The following COG4 variants were observed in gnomAD, a reference collection of about 807,000 sequenced individuals.
COG4 encodes component of oligomeric golgi complex 4.
A neutral mutation model predicts 95.1 loss-of-function variants in COG4; 65 were observed. The ratio of observed to expected loss-of-function variants is 0.68; its 90% confidence interval spans 0.56 to 0.84. COG4 has a LOEUF of 0.84. COG4 is among the 40% of genes least tolerant of loss of function. The probability of loss-of-function intolerance (pLI) is 0.00; values close to 1 mark genes in which losing one functional copy is unlikely to be tolerated. For missense variants in COG4, 1,045 were observed against 989.1 expected, an observed-to-expected ratio of 1.06 and a Z score of -0.76; for synonymous variants, 421 against 374.8, an observed-to-expected ratio of 1.12 and a Z score of -1.42.
intron 2 of COG4, 23 bp from the exon 3 acceptor site, chr16:70,517,763 T>C: frequency 4.0e-6 from 6 of 1,507,684 alleles, no homozygotes; most frequent in Non-Finnish European, 5.5e-6. Flanking sequence ...ATTGTTAGCA[T>C]ACACATAACG....
intron 1 of COG4, 77 bp downstream of exon 1, chr16:70,523,296 C>T: frequency 1.3e-6 from 2 of 1,569,942 alleles, no homozygotes; most frequent in Non-Finnish European, 1.8e-6. Context: ...GAGAGTTTCC[C>T]ACAGCCCGGA....
Position 70,509,404 on chromosome 16 carries a change from C to A in COG4, c.845-16G>T. ...CGGGCAATCCCTAGAAGGGAGGAAG[C>A]AATAGGGTTATATTCCAAGTATTCT... On this transcript the variant is annotated splice_polypyrimidine_tract_variant and intron_variant, in intron 6 of 18. Coordinates refer to ENST00000323786, the MANE Select transcript of COG4 (RefSeq NM_015386.3). 1 of 1,614,012 alleles carries A rather than the reference C, an allele frequency of 6.2e-7. No individual in the cohort carries two copies. Among genetic ancestry groups the A allele is most frequent in the Non-Finnish European group, 8.5e-7 (1 of 1,179,896 alleles).
chr16:70,509,121 T>G, intron 7 of COG4, 110 bp downstream of exon 7: 1 of 1,382,032 alleles, frequency 7.2e-7, no homozygotes, highest in Non-Finnish European at 1.0e-6. Context: ...GCATTTATTT[T>G]TCTCCTGTCT....
At chr16:70,496,220 C>T in intron 12 of COG4, 46 bp downstream of exon 12, 2 of 1,608,216 alleles carry the variant, frequency 1.2e-6, no homozygotes, top group East Asian at 2.2e-5. Context: ...GATAGCGTAA[C>T]CTCTCGAGAT....
intron 15 of COG4, 29 bp downstream of exon 15, chr16:70,482,700 G>A (rs1285906846): frequency 9.4e-6 from 15 of 1,589,876 alleles, no homozygotes; most frequent in Non-Finnish European, 1.2e-5. Context: ...GGTCATCGGG[G>A]CTTGATGGCT....
In COG4 at chr16:70,497,281, C is replaced by G; in HGVS notation, c.1421G>C (p.Ser474Thr). Reference sequence around the variant, plus strand: ...GATCATGGCACAGAGACAGTCAATGCTGGAGCTGGACAGAGCCCGCCCAAT... The same window carrying G: ...GATCATGGCACAGAGACAGTCAATGGTGGAGCTGGACAGAGCCCGCCCAAT... ...KCIGRALSSS[S>T]IDCLCAMINL... Residue 474 changes from serine (S) to threonine (T), a missense_variant, in exon 11 of 19, where the codon AGC (serine) becomes ACC (threonine). By Grantham distance (58) the Ser-to-Thr change is moderately conservative. Coordinates refer to ENST00000323786, the MANE Select transcript of COG4 (RefSeq NM_015386.3). The G allele has an allele frequency of 1.9e-6, 3 of 1,614,176 alleles. No homozygotes were observed. The Admixed American group carries it at 5.0e-5, about 27-fold the overall frequency.
rs572459100 is a variant in COG4, at chr16:70,505,778, G to A, written c.1061+2628C>T. 3.3e-4 allele frequency among the ~76,000 whole-genome samples: 50 copies of A among 151,950 alleles called. 2 individuals are homozygous for A. In the South Asian group the frequency reaches 9.8e-3, roughly 30 times the overall value. Reference sequence around the variant, plus strand: ...CGGGAGGTGGAGCTTGCAGTGAGCCGAGATAGCGCCACTGCACTTCAGCCT... The same window carrying A: ...CGGGAGGTGGAGCTTGCAGTGAGCCAAGATAGCGCCACTGCACTTCAGCCT... On this transcript the variant is annotated intron_variant, in intron 8 of 18. Transcript: ENST00000323786.
In COG4 at chr16:70,501,019, C is replaced by T. The variant is rs377039295; in HGVS notation, c.1134G>A (p.Lys378=). ...ARSELYLRFL[K]KRISSDFEVG... is the part of the protein sequence containing the mutation. ...CCTCAAAATCAGAGCTAATCCTCTT[C>T]TTGAGGAAGCGTAAGTATAGCTCAC... The change falls in exon 9 of 19, where the codon AAG becomes AAA. Residue 378 remains lysine (K), a synonymous_variant. Transcript: ENST00000323786. 1 of 1,613,966 alleles carries T rather than the reference C, an allele frequency of 6.2e-7. No individual in the cohort carries two copies. The highest frequency in any genetic ancestry group is 8.5e-7 in the Non-Finnish European group (1 of 1,179,882).
At chr16:70,487,355 G>A (rs560168871) in intron 13 of COG4, among the ~76,000 whole-genome samples, 19 of 151,558 alleles carry the variant, frequency 1.3e-4, no homozygotes, top group Admixed American at 2.6e-4. Flanking sequence ...CCAGCACTTC[G>A]GGATGCCAAG....
intron 1 of COG4, among the ~76,000 whole-genome samples, chr16:70,520,446 G>A (rs1238677056): frequency 2.9e-5 from 4 of 136,334 alleles, no homozygotes; most frequent in Admixed American, 8.0e-5. Context: ...GCAACAAAGT[G>A]AGACTCCGTC....
In COG4 at chr16:70,482,186, G is replaced by T. The variant is rs1567720167; in HGVS notation, c.1921-11C>A. ...GTCATTGAATTCTTCCTGTTGTCAG[G>T]AAGCAGGGCTGGTCACCATGGGCCT... On this transcript the variant is annotated splice_polypyrimidine_tract_variant and intron_variant, in intron 15 of 18. Transcript: ENST00000323786. 1 of 1,590,674 alleles carries T rather than the reference G, an allele frequency of 6.3e-7. No homozygotes were observed. The highest frequency in any genetic ancestry group is 8.6e-7 in the Non-Finnish European group (1 of 1,158,758).
intron 11 of COG4, 121 bp downstream of exon 11, chr16:70,497,100 A>G (rs538670259): frequency 8.2e-6 from 8 of 979,658 alleles, no homozygotes; most frequent in South Asian, 1.3e-5. Flanking sequence ...TAGGGATAGG[A>G]GCTGATGTCC....
intron 8 of COG4, among the ~76,000 whole-genome samples, chr16:70,507,302 G>A (rs1421224083): frequency 6.6e-6 from 1 of 151,876 alleles, no homozygotes; most frequent in Non-Finnish European, 1.5e-5. Context: ...ATACACAAGA[G>A]GGTTCCCATA....
chr16:70,481,842 G>T lies in COG4; in HGVS notation c.2028C>A (p.Tyr676Ter). The T allele has an allele frequency of 6.2e-7, 1 of 1,613,866 alleles. No individual in the cohort carries two copies. Among genetic ancestry groups the T allele is most frequent in the Non-Finnish European group, 8.5e-7 (1 of 1,179,936 alleles). ...EFKASLSPVI[Y>*]DSLTGLMTSL... ...TAGTCATGAGGCCGGTTAGGCTGTC[G>T]TAGATGACCGGGGACAGGCTGGCCT... The change falls in exon 17 of 19, where the codon TAC (tyrosine) becomes TAA (stop). Residue 676 changes from tyrosine (Y) to a stop codon, truncating the protein, a stop_gained. Transcript: ENST00000323786. LOFTEE classifies it high-confidence loss of function.
intron 13 of COG4, 37 bp from the exon 14 acceptor site, chr16:70,484,006 C>T (rs752519787): frequency 3.3e-5 from 48 of 1,476,082 alleles, no homozygotes; most frequent in South Asian, 2.3e-4. Context: ...ACCGAGCACG[C>T]GTGGGCCATG....
At chr16:70,507,824 T>C (rs906920744) in intron 8 of COG4, among the ~76,000 whole-genome samples, 8 of 149,568 alleles carry the variant, frequency 5.3e-5, no homozygotes, top group African/African-American at 1.7e-4. Context: ...ATAATGCTAC[T>C]GCACTCCAGC....
chr16:70,480,846 A>C lies in COG4; in HGVS notation c.*164T>G. 1 of 760,606 alleles carries C rather than the reference A, an allele frequency of 1.3e-6. No individual in the cohort carries two copies. The allele number at this position is 760,606 out of a possible 1,614,324, so 47.1% of individuals were successfully genotyped here. A position where few individuals can be genotyped will look rare whatever the true frequency, so the allele number is the denominator to read the frequency against. On this transcript the variant is annotated 3_prime_UTR_variant, in exon 19 of 19. Coordinates refer to ENST00000323786, the MANE Select transcript of COG4 (RefSeq NM_015386.3). ...GCATCACCTGGCCAGGTCTGAGGGCAGAGCATGGAGTGGGTCCAGACTTTG... is the reference window on the plus strand; with the variant it reads ...GCATCACCTGGCCAGGTCTGAGGGCCGAGCATGGAGTGGGTCCAGACTTTG...
intron 18 of COG4, 107 bp downstream of exon 18, chr16:70,481,252 C>T (rs2048985069): frequency 6.2e-7 from 1 of 1,607,792 alleles, no homozygotes; most frequent in Non-Finnish European, 8.5e-7. Context: ...GGAAGGTGTC[C>T]TATAGAGCTG....
At chr16:70,512,105 G>C (rs1317380623) in intron 5 of COG4, 134 bp downstream of exon 5, 2 of 848,194 alleles carry the variant, frequency 2.4e-6, no homozygotes, top group Non-Finnish European at 3.9e-6. Context: ...GTCCTGCATG[G>C]CTACACAGCA....
Sources: gnomAD v4.1 joint callset for allele counts (sites outside exome capture counted in the v4.1 genomes callset) on GRCh38, gnomAD v4.1.1 for gene constraint, MANE v1.5 for transcripts, NCBI Gene and HGNC (gene_info 2026-07-23, HGNC 2026-07-21) for gene names.